STK10: variants seen among roughly 807,000 people sequenced by gnomAD.
STK10 encodes serine/threonine-protein kinase 10.
Under a neutral mutation model 113.8 loss-of-function variants are expected in STK10, and 78 were observed. The observed-to-expected ratio is 0.69, with a 90% CI of 0.57 to 0.83. The LOEUF (loss-of-function observed/expected upper bound fraction) is 0.83, where lower values mean the gene tolerates loss of function less well. Ranked by LOEUF, STK10 falls within the 40% of genes least tolerant of loss-of-function variation. The pLI is 0.00. For synonymous variants in STK10, 465 were observed against 494.7 expected (o/e 0.94, Z 0.80); for missense variants, 1,109 against 1,280.1 (o/e 0.87, Z 2.04).
chr5:172,107,678 T>TGCCCACACGCTGACCGGGC, intron 5 of STK10, 102 bp downstream of exon 5: 1 of 1,075,814 alleles, frequency 9.3e-7, no homozygotes, highest in Non-Finnish European at 1.4e-6. Flanking sequence ...GCAGGGCGTG[T>TGCCCACACGCTGACCGGGC]AGCCCTTGTC....
chr5:172,133,080 G>A lies in STK10; in HGVS notation c.322-5659C>T, dbSNP rs566016899. Among the ~76,000 whole-genome samples the A allele has an allele frequency of 1.3e-4, 20 of 152,350 alleles. No individual in the cohort carries two copies. Among genetic ancestry groups the A allele is most frequent in the African/African-American group, 4.3e-4 (18 of 41,574 alleles). On this transcript the variant is annotated intron_variant, in intron 2 of 18. Transcript: ENST00000176763. This position sits in a 1 kb window ranked among gnomAD's most constrained non-coding sequence, Gnocchi z 4.9. ...GGGCAGCAGGGAAAAGCGTGGAAGC[G>A]GGTAATGGCGGAGCATTCCATGGGG...
intron 2 of STK10, among the ~76,000 whole-genome samples, chr5:172,131,628 T>C (rs1769759573): frequency 6.6e-6 from 1 of 152,240 alleles, no homozygotes; most frequent in South Asian, 2.1e-4. Flanking sequence ...CAGGCCTTAC[T>C]TGCTTTTTTT....
At chr5:172,066,450 G>C (rs1735887803) in intron 12 of STK10, among the ~76,000 whole-genome samples, 1 of 152,166 alleles carries the variant, frequency 6.6e-6, no homozygotes, top group African/African-American at 2.4e-5. Context: ...ACCAGGAAAA[G>C]AGGCCTGTGC....
At chr5:172,099,796 A>T (rs1768941718) in intron 7 of STK10, among the ~76,000 whole-genome samples, 1 of 152,260 alleles carries the variant, frequency 6.6e-6, no homozygotes, top group Non-Finnish European at 1.5e-5. Flanking sequence ...CGCGGCAGAA[A>T]TAAATAAACA....
At chr5:172,097,367 G>A (rs920377118) in intron 7 of STK10, among the ~76,000 whole-genome samples, 2 of 152,100 alleles carry the variant, frequency 1.3e-5, no homozygotes, top group African/African-American at 4.8e-5. Context: ...ATATATGCAC[G>A]CACCGTAACT....
intron 2 of STK10, among the ~76,000 whole-genome samples, chr5:172,149,444 C>G (rs1399192823): frequency 1.3e-5 from 2 of 152,210 alleles, no homozygotes; most frequent in African/African-American, 4.8e-5. Context: ...AATACACCCA[C>G]CTCCAGGGCT....
intron 1 of STK10, among the ~76,000 whole-genome samples, chr5:172,165,432 G>T (rs555803892): frequency 1.3e-5 from 2 of 152,348 alleles, no homozygotes; most frequent in African/African-American, 4.8e-5. Flanking sequence ...GCCTAGAGGG[G>T]CCTGTTCCTG....
At chr5:172,119,392 C>G (rs968134190) in intron 3 of STK10, among the ~76,000 whole-genome samples, 4 of 151,892 alleles carry the variant, frequency 2.6e-5, no homozygotes, top group Admixed American at 6.6e-5. Flanking sequence ...TCTGAGTGGG[C>G]CAGACACAGT....
intron 1 of STK10, among the ~76,000 whole-genome samples, chr5:172,170,254 A>G (rs1341613400): frequency 6.6e-6 from 1 of 152,094 alleles, no homozygotes; most frequent in Non-Finnish European, 1.5e-5. Context: ...AGTGATAAGA[A>G]GTCGACTTTC....
Position 172,093,445 on chromosome 5 carries a change from C to A in STK10, c.1521G>T (p.Ser507=). 1 of 1,608,980 alleles carries A rather than the reference C, an allele frequency of 6.2e-7. No individual in the cohort carries two copies. Among genetic ancestry groups the A allele is most frequent in the Non-Finnish European group, 8.5e-7 (1 of 1,176,112 alleles). Residue 507 remains serine (S), a synonymous_variant, in exon 9 of 19, where the codon TCG becomes TCT. Transcript: ENST00000176763. The surrounding 1 kb of genome is among the most constrained non-coding windows in gnomAD (Gnocchi z 4.1). ...DYGTNLSTDL[S]LNKEMGSLSI... ...ACAGAGAGCCCATCTCTTTGTTCAG[C>A]GACAGGTCAGTGGAGAGATTGGTAC... is the stretch of plus-strand genomic sequence containing the variant.
At chr5:172,119,203 A>C (rs1471105665) in intron 3 of STK10, among the ~76,000 whole-genome samples, 1 of 151,732 alleles carries the variant, frequency 6.6e-6, no homozygotes, top group African/African-American at 2.4e-5. Flanking sequence ...GGGAGCGGGA[A>C]GGTGGGCAGC....
intron 4 of STK10, among the ~76,000 whole-genome samples, chr5:172,113,029 T>G (rs1561812620): frequency 6.6e-6 from 1 of 152,246 alleles, no homozygotes. Flanking sequence ...ATTACAGGCA[T>G]GAGCCAACGC....
rs77548568 is a variant in STK10, at chr5:172,044,813, A to G, written c.*69T>C. On this transcript the variant is annotated 3_prime_UTR_variant, in exon 19 of 19. Transcript: ENST00000176763. This position sits in a 1 kb window ranked among gnomAD's most constrained non-coding sequence, Gnocchi z 4.5. ...AGAGGGAAAAGGGGTCCTGAGTTAC[A>G]TGTTCACAGAGAATGAAGGAGAAGG... is the stretch of plus-strand genomic sequence containing the variant. 3,830 of 1,611,528 alleles carry G rather than the reference A, an allele frequency of 2.4e-3. 87 individuals carry two copies. In the African/African-American group the frequency reaches 0.045, roughly 19 times the overall value.
rs1419510884 is a variant in STK10, at chr5:172,052,985, C to T, written c.2710G>A (p.Glu904Lys). 2 of 1,614,098 alleles carry T rather than the reference C, an allele frequency of 1.2e-6. No individual in the cohort carries two copies. The highest frequency in any genetic ancestry group is 8.5e-7 in the Non-Finnish European group (1 of 1,180,060). Reference protein sequence around the residue: ...HETQKLKALDESHNQNLKEWR... With the variant: ...HETQKLKALDKSHNQNLKEWR... ...TCCTTCAGGTTCTGGTTATGGCTCTCATCCAGGGCCTTCAGTTTCTGGGTT... is the reference window on the plus strand; with the variant it reads ...TCCTTCAGGTTCTGGTTATGGCTCTTATCCAGGGCCTTCAGTTTCTGGGTT... The change falls in exon 18 of 19, where the codon GAG (glutamate) becomes AAG (lysine). Residue 904 changes from glutamate to lysine, a missense_variant. Physicochemically the swap from Glu to Lys is moderately conservative, Grantham distance 56 (BLOSUM62 1). Around this residue, in one of 5 missense-constraint regions of STK10, gnomAD observed 885 missense variants for 991.1 expected, o/e 0.89. Coordinates refer to ENST00000176763, the MANE Select transcript of STK10 (RefSeq NM_005990.4).
intron 7 of STK10, among the ~76,000 whole-genome samples, chr5:172,102,646 C>T (rs894859835): frequency 6.6e-6 from 1 of 152,132 alleles, no homozygotes; most frequent in Non-Finnish European, 1.5e-5. Context: ...AGGAGATCGA[C>T]TGGGCTGGTG....
chr5:172,105,762 AG>A (rs1211444986), intron 6 of STK10, 25 bp from the exon 7 acceptor site: 1 of 1,608,948 alleles, frequency 6.2e-7, no homozygotes, highest in Admixed American at 1.7e-5. Context: ...GTCAGAGGTA[AG>A]CATGGAGGAG....
intron 12 of STK10, among the ~76,000 whole-genome samples, chr5:172,069,122 A>G (rs1194574473): frequency 6.6e-6 from 1 of 152,062 alleles, no homozygotes; most frequent in Non-Finnish European, 1.5e-5. Context: ...AAAATATTCA[A>G]ATACTTCAAA....
At chr5:172,169,261 G>A (rs1490110984) in intron 1 of STK10, among the ~76,000 whole-genome samples, 1 of 152,090 alleles carries the variant, frequency 6.6e-6, no homozygotes, top group East Asian at 1.9e-4. Flanking sequence ...TGACCTGGCT[G>A]TGATCTCTGA....
chr5:172,156,787 G>A lies in STK10; in HGVS notation c.158C>T (p.Ala53Val). The part of the protein sequence containing the change: ...GDGAFGKVYK[A>V]KNKETGALAA... ...CAAAGCACCCGTCTCCTTATTCTTG[G>A]CCTGCAAAGAGGAGATACAGGAGGT... The change falls in exon 2 of 19, where the codon GCC becomes GTC. Residue 53 changes from alanine (A) to valine (V), a missense_variant and splice_region_variant. Transcript: ENST00000176763. 3.1e-6 allele frequency: 5 copies of A among 1,613,184 alleles called. No homozygotes were observed. The highest frequency in any genetic ancestry group is 4.2e-6 in the Non-Finnish European group (5 of 1,179,304).
Sources: gnomAD v4.1 joint callset for allele counts (sites outside exome capture counted in the v4.1 genomes callset) on GRCh38, gnomAD v4.1.1 for gene constraint, gnomAD v4.1.1 regional missense constraint, Gnocchi (gnomAD v3.1) non-coding constraint, MANE v1.5 for transcripts, NCBI Gene and HGNC (gene_info 2026-07-23, HGNC 2026-07-21) for gene names.